TOP3A: variants seen among roughly 807,000 people sequenced by gnomAD.
TOP3A encodes the protein DNA topoisomerase 3-alpha.
In TOP3A, 64 loss-of-function variants were observed where a neutral mutation model predicts 111.3. That is an observed-to-expected ratio of 0.57 (90% confidence interval 0.47 to 0.71). TOP3A has a LOEUF of 0.71. Ranked by LOEUF, TOP3A falls within the 30% of genes least tolerant of loss-of-function variation. The pLI, the probability that TOP3A is intolerant of heterozygous loss-of-function variation, is 0.00. For missense variants in TOP3A, 1,104 were observed against 1,285.0 expected, an observed-to-expected ratio of 0.86 and a Z score of 2.15; for synonymous variants, 484 against 485.1, an observed-to-expected ratio of 1.00 and a Z score of 0.03.
At chr17:18,304,903 T>C (rs1048500692) in intron 5 of TOP3A, among the ~76,000 whole-genome samples, 1 of 152,120 alleles carries the variant, frequency 6.6e-6, no homozygotes, top group Non-Finnish European at 1.5e-5. Context: ...AGGAAACATG[T>C]CAGATTGGCC....
Position 18,301,866 on chromosome 17 carries a change from G to A in TOP3A, c.915+19C>T, listed in dbSNP as rs772934035. 6.2e-7 allele frequency: 1 copy of A among 1,604,210 alleles called. No individual in the cohort carries two copies. Among genetic ancestry groups the A allele is most frequent in the Non-Finnish European group, 8.5e-7 (1 of 1,171,352 alleles). On this transcript the variant is annotated intron_variant, in intron 8 of 18. Coordinates refer to ENST00000321105, the MANE Select transcript of TOP3A (RefSeq NM_004618.5). The stretch of plus-strand genomic sequence containing the variant: ...TGGGAGGTGTGCAGAATGTTTCCTA[G>A]ATCATTAGGGGTTCTTACCTCCACA...
At position 18,314,781 on chromosome 17, in the gene TOP3A, T is replaced by G; in HGVS notation, c.-3A>C. ...TAGCGGGCGACAGGAAAGATCATCC[T>G]CAGACCTCGCGCCCGGAGCCGCTCC... On this transcript the variant is annotated 5_prime_UTR_variant, in exon 1 of 19. The change abolishes the stop of an existing upstream ORF in the 5' untranslated region. Transcript: ENST00000321105. 1 of 1,519,366 alleles carries G rather than the reference T, an allele frequency of 6.6e-7. No individual in the cohort carries two copies. The highest frequency in any genetic ancestry group is 8.9e-7 in the Non-Finnish European group (1 of 1,128,934). The allele number at this position is 1,519,366 out of a possible 1,614,324, so 94.1% of individuals were successfully genotyped here. A position where few individuals can be genotyped will look rare whatever the true frequency, so the allele number is the denominator to read the frequency against.
At chr17:18,307,099 G>A (rs1411978135) in intron 3 of TOP3A, 133 bp from the exon 4 acceptor site, 1 of 624,734 alleles carries the variant, frequency 1.6e-6, no homozygotes, top group East Asian at 2.8e-5. Flanking sequence ...TGAAAGTAAG[G>A]CTATGACCCT....
intron 11 of TOP3A, among the ~76,000 whole-genome samples, chr17:18,291,991 C>A (rs1980505529): frequency 6.6e-6 from 1 of 152,170 alleles, no homozygotes; most frequent in African/African-American, 2.4e-5. Flanking sequence ...GGATTACAAG[C>A]ATAAGCCACC....
At chr17:18,301,225 T>G (rs1053760785) in intron 8 of TOP3A, among the ~76,000 whole-genome samples, 9 of 152,116 alleles carry the variant, frequency 5.9e-5, no homozygotes, top group African/African-American at 2.2e-4. Context: ...GGAAGTGGCA[T>G]CAGAAAGTAA....
In TOP3A at chr17:18,285,531, C is replaced by A; in HGVS notation, c.1598-11G>T. On this transcript the variant is annotated splice_polypyrimidine_tract_variant and intron_variant, in intron 13 of 18. Coordinates refer to ENST00000321105, the MANE Select transcript of TOP3A (RefSeq NM_004618.5). ...GAGTGGCATCCGTACCTGGAAGCCA[C>A]TTGCTGGTTACTCTGAGGTAATACA... The A allele has an allele frequency of 6.2e-7, 1 of 1,612,410 alleles. No individual in the cohort carries two copies. The highest frequency in any genetic ancestry group is 8.5e-7 in the Non-Finnish European group (1 of 1,179,494).
intron 18 of TOP3A, among the ~76,000 whole-genome samples, chr17:18,275,344 CTTTTTTTTTTTT>C (rs71155327): frequency 2.2e-4 from 17 of 77,152 alleles, no homozygotes; most frequent in South Asian, 5.6e-4. Flanking sequence ...GCTGAACCAA[CTTTTTTTTTTTT>C]TTTTTTTTTT....
Position 18,314,768 on chromosome 17 carries a change from G to A in TOP3A, c.11C>T (p.Pro4Leu), listed in dbSNP as rs34739588. ...CCACCGGAGCGCGTAGCGGGCGACA[G>A]GAAAGATCATCCTCAGACCTCGCGC... MIF[P>L]VARYALRWLR... Residue 4 changes from proline (P) to leucine (L), a missense_variant, in exon 1 of 19, where the codon CCT (proline) becomes CTT (leucine). Transcript: ENST00000321105. 1,559 of 1,550,790 alleles carry A rather than the reference G, an allele frequency of 1.0e-3. 22 individuals carry two copies. The African/African-American group carries it at 0.018, about 18-fold the overall frequency.
chr17:18,302,488 A>G, intron 6 of TOP3A, 54 bp from the exon 7 acceptor site: 2 of 1,595,852 alleles, frequency 1.3e-6, no homozygotes. Flanking sequence ...ATGAGAGTCC[A>G]GGGCTGGCTG....
At chr17:18,294,616 C>T (rs1980681260) in intron 10 of TOP3A, 87 bp downstream of exon 10, 1 of 1,027,552 alleles carries the variant, frequency 9.7e-7, no homozygotes, top group Non-Finnish European at 1.5e-6. Context: ...GTGTGAGCCA[C>T]CGTGCCCAAC....
Position 18,314,586 on chromosome 17 carries a change from C to G in TOP3A, c.180+13G>C. Reference sequence around the variant, plus strand: ...CCTTAAGGCACGCAGCTGATCGGAACGCGCTTTCTTACCCGCCTCATGCGA... The same window carrying G: ...CCTTAAGGCACGCAGCTGATCGGAAGGCGCTTTCTTACCCGCCTCATGCGA... On this transcript the variant is annotated intron_variant, in intron 1 of 18. Coordinates refer to ENST00000321105, the MANE Select transcript of TOP3A (RefSeq NM_004618.5). The G allele has an allele frequency of 6.2e-7, 1 of 1,604,300 alleles. No homozygotes were observed. Among genetic ancestry groups the G allele is most frequent in the Non-Finnish European group, 8.5e-7 (1 of 1,173,436 alleles).
intron 11 of TOP3A, among the ~76,000 whole-genome samples, chr17:18,291,341 C>T (rs1393950464): frequency 6.6e-6 from 1 of 152,224 alleles, no homozygotes; most frequent in African/African-American, 2.4e-5. Flanking sequence ...CAAGACACTC[C>T]TCAAATACAA....
rs142516535 is a variant in TOP3A at position 18,308,422 on chromosome 17, A to G, written c.243T>C (p.Asn81=). 9.6e-5 allele frequency: 152 copies of G among 1,588,604 alleles called. No homozygotes were observed. The highest frequency in any genetic ancestry group is 1.2e-4 in the Non-Finnish European group (137 of 1,165,762). ...YEFDYHLYGQ[N]VTMVMTSVSG... ...AAACTGAAGTCATTACCATGGTAAC[A>G]TTCTGAATGATGACAAAATTCAAAA... The change falls in exon 3 of 19, where the codon AAT becomes AAC. Residue 81 remains asparagine (N), a splice_region_variant and synonymous_variant. Coordinates refer to ENST00000321105, the MANE Select transcript of TOP3A (RefSeq NM_004618.5).
rs1979212863 is a variant in TOP3A, at chr17:18,274,616, C to T, written c.*186G>A. The stretch of plus-strand genomic sequence containing the variant: ...GCCTGGGAAGAGGGTCACTGTCCAG[C>T]AGAGCTGGCCTGCTCCAGAGTGATC... On this transcript the variant is annotated 3_prime_UTR_variant, in exon 19 of 19. Transcript: ENST00000321105. The T allele has an allele frequency of 3.0e-6, 3 of 997,106 alleles. No homozygotes were observed. Among genetic ancestry groups the T allele is most frequent in the Admixed American group, 6.0e-5 (2 of 33,318 alleles). 61.8% of individuals were successfully genotyped at this position (997,106 alleles called of 1,614,324 possible).
In TOP3A at chr17:18,272,703, T is replaced by C. The variant is rs1979073585; in HGVS notation, c.*2099A>G. 6.8e-6 allele frequency: 1 copy of C among 148,112 alleles called. No individual in the cohort carries two copies. Among genetic ancestry groups the C allele is most frequent in the African/African-American group, 2.5e-5 (1 of 39,842 alleles). 9.2% of individuals were successfully genotyped at this position (148,112 alleles called of 1,614,324 possible). A position where few individuals can be genotyped will look rare whatever the true frequency, so the allele number is the denominator to read the frequency against. ...GTAGGATTTCATTTTTTTTTTTTTC[T>C]TGAGACAGAGTTTCACTCTTTTTGC... On this transcript the variant is annotated 3_prime_UTR_variant, in exon 19 of 19. Transcript: ENST00000321105.
intron 1 of TOP3A, among the ~76,000 whole-genome samples, chr17:18,310,987 T>C (rs1292661321): frequency 2.0e-5 from 3 of 151,730 alleles, no homozygotes; most frequent in Non-Finnish European, 4.4e-5. Context: ...CAAACATGCA[T>C]TCAACAACTA....
rs1567731970 is a variant in TOP3A, at chr17:18,275,563, CA to C, written c.2828-584del. ...TATTTTTAGTAGAGACGGGTTTCATCATGTTAGCCAGGATGGTCTCGATCTC... is the reference window on the plus strand; with the variant it reads ...TATTTTTAGTAGAGACGGGTTTCATCTGTTAGCCAGGATGGTCTCGATCTC... On this transcript the variant is annotated intron_variant, in intron 18 of 18. Transcript: ENST00000321105. Among the ~76,000 whole-genome samples, 66 of 151,568 alleles carry C rather than the reference CA, an allele frequency of 4.4e-4. No homozygotes were observed. In the East Asian group the frequency reaches 0.01, roughly 23 times the overall value.
intron 4 of TOP3A, chr17:18,306,534 A>AT (rs575474218): frequency 0.014 from 2,298 of 163,694 alleles, no homozygotes; most frequent in South Asian, 0.037. Flanking sequence ...GCCTGGTTAA[A>AT]TTTTTTTTTT....
intron 9 of TOP3A, among the ~76,000 whole-genome samples, chr17:18,297,840 G>A (rs1192080979): frequency 6.6e-6 from 1 of 152,084 alleles, no homozygotes; most frequent in African/African-American, 2.4e-5. Context: ...CTGCCCGGCC[G>A]CCACCCCATC....
Sources: allele counts gnomAD v4.1 joint callset (sites outside exome capture counted in the v4.1 genomes callset), GRCh38; gene constraint gnomAD v4.1.1; transcripts MANE v1.5; gene names NCBI Gene and HGNC (gene_info 2026-07-23, HGNC 2026-07-21).